The following TMEM156 variants were observed in gnomAD, a reference collection of about 807,000 sequenced individuals.
TMEM156 encodes the protein transmembrane protein 156.
In TMEM156, 28 loss-of-function variants were observed where a neutral mutation model predicts 30.5. The ratio of observed to expected loss-of-function variants is 0.92; its 90% CI spans 0.68 to 1.26. The LOEUF is 1.26. Among genes scored for constraint, TMEM156 ranks in the 50% most tolerant of loss-of-function variants. The probability of loss-of-function intolerance (pLI) is 0.00; values close to 1 mark genes in which losing one functional copy is unlikely to be tolerated. For synonymous variants in TMEM156, 137 were observed against 119.9 expected, an observed-to-expected ratio of 1.14 and a Z score of -0.93; for missense variants, 351 against 340.6, an observed-to-expected ratio of 1.03 and a Z score of -0.24.
chr4:38,980,390 G>T (rs1255267292), intron 5 of TMEM156, among the ~76,000 whole-genome samples: 2 of 152,162 alleles, frequency 1.3e-5, no homozygotes, highest in African/African-American at 2.4e-5. Flanking sequence ...AAAGGCTTTT[G>T]TAAGACAGCA....
At chr4:38,977,465 A>G (rs548576793) in intron 5 of TMEM156, among the ~76,000 whole-genome samples, 2 of 152,346 alleles carry the variant, frequency 1.3e-5, no homozygotes, top group African/African-American at 4.8e-5. Context: ...CATGTAACTT[A>G]TATGGTAATA....
At chr4:39,003,628 G>A (rs955010375) in intron 1 of TMEM156, among the ~76,000 whole-genome samples, 3 of 146,522 alleles carry the variant, frequency 2.0e-5, no homozygotes, top group African/African-American at 7.5e-5. Flanking sequence ...TATAATCAAA[G>A]TTGTAATCAG....
chr4:39,006,906 G>T (rs758635502), intron 1 of TMEM156, among the ~76,000 whole-genome samples: 22 of 152,138 alleles, frequency 1.4e-4, no homozygotes, highest in Non-Finnish European at 2.6e-4. Flanking sequence ...TCATACCACT[G>T]CAGTCCAGAC....
At chr4:38,988,371 G>A (rs1008266925) in intron 4 of TMEM156, among the ~76,000 whole-genome samples, 22 of 152,158 alleles carry the variant, frequency 1.4e-4, no homozygotes, top group Non-Finnish European at 2.6e-4. Context: ...TTATAGGCTT[G>A]CGCCACCATG....
At chr4:38,972,838 A>C (rs7660745) in intron 5 of TMEM156, among the ~76,000 whole-genome samples, 35,697 of 151,896 alleles carry the variant, frequency 0.24, 4,311 homozygotes, top group Admixed American at 0.3. Flanking sequence ...TTAGTTGCTT[A>C]CTCGATAAAC....
At chr4:39,003,144 G>T (rs1171381139) in intron 1 of TMEM156, among the ~76,000 whole-genome samples, 1 of 152,080 alleles carries the variant, frequency 6.6e-6, no homozygotes, top group African/African-American at 2.4e-5. Context: ...TTTAAAATGT[G>T]TATAATTTGT....
At chr4:39,032,171 G>T in intron 1 of TMEM156, 55 bp downstream of exon 1, 1 of 1,115,194 alleles carries the variant, frequency 9.0e-7, no homozygotes, top group South Asian at 1.3e-5. Flanking sequence ...ACCACTAGCT[G>T]ACACTAATTT....
intron 1 of TMEM156, among the ~76,000 whole-genome samples, chr4:39,021,758 T>G (rs1486781314): frequency 6.6e-6 from 1 of 152,178 alleles, no homozygotes; most frequent in African/African-American, 2.4e-5. Flanking sequence ...CTTCTAGTAG[T>G]TTTACAGTTT....
chr4:39,003,648 A>G (rs977154557), intron 1 of TMEM156, among the ~76,000 whole-genome samples: 1 of 91,970 alleles, frequency 1.1e-5, no homozygotes, highest in Admixed American at 1.2e-4. Context: ...GATTGTAACT[A>G]CAATAAAAAA....
intron 4 of TMEM156, among the ~76,000 whole-genome samples, chr4:38,987,868 A>T (rs1338060563): frequency 6.6e-6 from 1 of 152,204 alleles, no homozygotes; most frequent in East Asian, 1.9e-4. Flanking sequence ...GCCTATTCTT[A>T]TAGTAATACA....
At chr4:39,012,271 A>G (rs961661823) in intron 1 of TMEM156, among the ~76,000 whole-genome samples, 1 of 152,220 alleles carries the variant, frequency 6.6e-6, no homozygotes, top group African/African-American at 2.4e-5. Context: ...ATCACGTAAT[A>G]AATATCACAT....
At chr4:39,005,791 G>A (rs1164031718) in intron 1 of TMEM156, among the ~76,000 whole-genome samples, 1 of 152,100 alleles carries the variant, frequency 6.6e-6, no homozygotes, top group African/African-American at 2.4e-5. Context: ...TGTACACTAA[G>A]GGTTTAATTA....
At chr4:39,009,550 C>T (rs1380070932) in intron 1 of TMEM156, among the ~76,000 whole-genome samples, 2 of 152,084 alleles carry the variant, frequency 1.3e-5, no homozygotes, top group Non-Finnish European at 2.9e-5. Flanking sequence ...TAATTCACCA[C>T]AATCAAGTGG....
chr4:38,977,135 C>T (rs534209579), intron 5 of TMEM156, among the ~76,000 whole-genome samples: 65 of 152,278 alleles, frequency 4.3e-4, no homozygotes, highest in African/African-American at 1.5e-3. Flanking sequence ...AAACTCCTGG[C>T]CTCAAGTGAT....
At position 38,990,830 on chromosome 4, in the gene TMEM156, G is replaced by GTTTTTTTTTTTTTTTGT. The variant is rs1712375802; in HGVS notation, c.620-1861_620-1860insACAAAAAAAAAAAAAAA. On this transcript the variant is annotated intron_variant, in intron 3 of 6. Transcript: ENST00000381938. ...CTTTGTTTTTTTGGTTTGTTTTCTGGTTTTTTTTTTTTTTTTTTTTTTTGA... is the reference window on the plus strand; with the variant it reads ...CTTTGTTTTTTTGGTTTGTTTTCTGGTTTTTTTTTTTTTTTGTTTTTTTTTTTTTTTTTTTTTTTTGA... Among the ~76,000 whole-genome samples the GTTTTTTTTTTTTTTTGT allele has an allele frequency of 3.0e-4, 24 of 81,224 alleles. 2 individuals carry two copies. The highest frequency in any genetic ancestry group is 3.6e-4 in the Non-Finnish European group (15 of 41,366). The allele number at this position is 81,224 out of a possible 152,430, so 53.3% of individuals were successfully genotyped here.
At chr4:39,030,898 C>T (rs1715469551) in intron 1 of TMEM156, among the ~76,000 whole-genome samples, 1 of 152,198 alleles carries the variant, frequency 6.6e-6, no homozygotes, top group South Asian at 2.1e-4. Flanking sequence ...AAAATATGTG[C>T]TATGATTGCT....
chr4:38,970,146 T>TTC (rs1553876134), intron 6 of TMEM156, among the ~76,000 whole-genome samples: 2 of 149,172 alleles, frequency 1.3e-5, no homozygotes, highest in East Asian at 4.0e-4. Context: ...GTGTGTGTGT[T>TTC]TGTGTGTGTG....
chr4:38,983,794 G>A (rs980529716), intron 5 of TMEM156, among the ~76,000 whole-genome samples: 24 of 152,152 alleles, frequency 1.6e-4, no homozygotes, highest in Admixed American at 2.6e-4. Flanking sequence ...TACAAAGCGT[G>A]CTATGCCTTC....
At chr4:39,003,841 G>C (rs530491531) in intron 1 of TMEM156, among the ~76,000 whole-genome samples, 3 of 152,004 alleles carry the variant, frequency 2.0e-5, no homozygotes, top group Admixed American at 6.6e-5. Flanking sequence ...AATTTATATT[G>C]CTATGATATG....
Sources: gnomAD v4.1 joint callset for allele counts (sites outside exome capture counted in the v4.1 genomes callset) on GRCh38, gnomAD v4.1.1 for gene constraint, MANE v1.5 for transcripts, NCBI Gene and HGNC (gene_info 2026-07-23, HGNC 2026-07-21) for gene names.